The following TM6SF2 variants were observed in gnomAD, a reference collection of about 807,000 sequenced individuals.
The protein encoded by TM6SF2 is transmembrane 6 superfamily member 2.
TM6SF2 carries 29 observed loss-of-function variants against 41.0 expected under a neutral mutation model. The ratio of observed to expected loss-of-function variants is 0.71; its 90% confidence interval spans 0.53 to 0.96. The LOEUF (loss-of-function observed/expected upper bound fraction) is 0.96, where lower values mean the gene tolerates loss of function less well. TM6SF2 is among the 50% of genes least tolerant of loss of function. The pLI, the probability that TM6SF2 is intolerant of heterozygous loss-of-function variation, is 0.00. For missense variants in TM6SF2, 475 were observed against 499.0 expected (o/e 0.95, Z 0.46); for synonymous variants, 200 against 209.1 (o/e 0.96, Z 0.37).
chr19:19,271,736 G>A (rs1208592165), intron 1 of TM6SF2, among the ~76,000 whole-genome samples: 1 of 151,666 alleles, frequency 6.6e-6, no homozygotes, highest in Non-Finnish European at 1.5e-5. Flanking sequence ...TCACCATGTT[G>A]GCCAGGCTGG....
chr19:19,269,036 A>AGGCAGGTGGATTGCT (rs2061013581), intron 5 of TM6SF2, among the ~76,000 whole-genome samples: 1 of 152,054 alleles, frequency 6.6e-6, no homozygotes, highest in Non-Finnish European at 1.5e-5. Context: ...CAAGTGATTG[A>AGGCAGGTGGATTGCT]TGAGGCAGGT....
Position 19,266,517 on chromosome 19 carries a change from G to T in TM6SF2, c.897C>A (p.Ala299=), listed in dbSNP as rs768295893. The change falls in exon 9 of 10, where the codon GCC becomes GCA. Residue 299 remains alanine, a synonymous_variant. Coordinates refer to ENST00000389363, the MANE Select transcript of TM6SF2 (RefSeq NM_001001524.3). ...FPGCSWLPDW[A]LVFAGGIGQA... is the part of the protein sequence containing the mutation. The stretch of plus-strand genomic sequence containing the variant: ...GGCCGATGCCTCCAGCAAACACCAA[G>T]GCCCAGTCTGGAAGCCAGGAGCAAC... 1 of 1,613,888 alleles carries T rather than the reference G, an allele frequency of 6.2e-7. No homozygotes were observed. Among genetic ancestry groups the T allele is most frequent in the Non-Finnish European group, 8.5e-7 (1 of 1,179,936 alleles).
At chr19:19,266,794 T>C (rs1599836400) in intron 8 of TM6SF2, 185 bp from the exon 9 acceptor site, 2 of 627,452 alleles carry the variant, frequency 3.2e-6, no homozygotes, top group African/African-American at 1.9e-5. Context: ...CCCGAACACA[T>C]ACACCAAACC....
intron 9 of TM6SF2, 77 bp downstream of exon 9, chr19:19,266,413 G>A: frequency 6.3e-7 from 1 of 1,579,074 alleles, no homozygotes; most frequent in Non-Finnish European, 8.6e-7. Context: ...AGTGCCCAGG[G>A]AGGACACCAA....
In TM6SF2 at chr19:19,264,700, G is replaced by A; in HGVS notation, c.1098C>T (p.Pro366=). 2 of 1,580,818 alleles carry A rather than the reference G, an allele frequency of 1.3e-6. No individual in the cohort carries two copies. Among genetic ancestry groups the A allele is most frequent in the Non-Finnish European group, 1.7e-6 (2 of 1,162,210 alleles). Residue 366 remains proline (P), a synonymous_variant, in exon 10 of 10, where the codon CCC becomes CCT. Transcript: ENST00000389363. ...TCTTGTGGAGGGCTAGGGGGTCGGA[G>A]GGTGGTGGCTGGTGGAAGAATGCGG... The part of the protein sequence containing the change: ...QWPAFFHQPP[P]SDPLALHKKQ...
At chr19:19,265,360 TTCTATCTATCTATCTA>T (rs548804768) in intron 9 of TM6SF2, among the ~76,000 whole-genome samples, 15 of 140,396 alleles carry the variant, frequency 1.1e-4, no homozygotes, top group Non-Finnish European at 2.2e-4. Context: ...TTTTTAAAAT[TTCTATCTATCTATCTA>T]TCTATCTATC....
intron 5 of TM6SF2, 83 bp from the exon 6 acceptor site, chr19:19,268,837 C>G (rs2061012819): frequency 6.9e-7 from 1 of 1,446,178 alleles, no homozygotes. Flanking sequence ...GAGACAGAGT[C>G]TTGCTCTGTC....
Position 19,267,976 on chromosome 19 carries a change from G to A in TM6SF2, c.711+10C>T, listed in dbSNP as rs372372827. 11 of 1,608,742 alleles carry A rather than the reference G, an allele frequency of 6.8e-6. No individual in the cohort carries two copies. Among genetic ancestry groups the A allele is most frequent in the South Asian group, 6.6e-5 (6 of 90,936 alleles). On this transcript the variant is annotated intron_variant, in intron 7 of 9. Coordinates refer to ENST00000389363, the MANE Select transcript of TM6SF2 (RefSeq NM_001001524.3). ...GCAGGGGAGGGGGAGACCAACCAGCGCAGACTCACCAGGCCCCGGAACAGA... is the reference window on the plus strand; with the variant it reads ...GCAGGGGAGGGGGAGACCAACCAGCACAGACTCACCAGGCCCCGGAACAGA...
rs764843325 is a variant in TM6SF2 at position 19,264,745 on chromosome 19, G to A, written c.1053C>T (p.Ala351=). Residue 351 remains alanine, a synonymous_variant, in exon 10 of 10, where the codon GCC becomes GCT. Transcript: ENST00000389363. ...LLYALGPHLL[A]YRCLQWPAFF... is the part of the protein sequence containing the mutation. ...ATGCGGGCCACTGAAGGCAACGGTA[G>A]GCCAGCAGGTGGGGGCCCAGCGCAT... 6.8e-6 allele frequency: 11 copies of A among 1,606,782 alleles called. No homozygotes were observed. In the East Asian group the frequency reaches 1.4e-4, roughly 20 times the overall value.
In TM6SF2 at chr19:19,266,595, C is replaced by T; in HGVS notation, c.819G>A (p.Met273Ile). The T allele has an allele frequency of 1.2e-6, 2 of 1,613,618 alleles. No individual in the cohort carries two copies. The highest frequency in any genetic ancestry group is 1.7e-6 in the Non-Finnish European group (2 of 1,179,654). Residue 273 changes from methionine to isoleucine, a missense_variant, in exon 9 of 10, where the codon ATG becomes ATA. By Grantham distance (10) the Met-to-Ile change is conservative. This residue lies in a region of TM6SF2 where 190 missense variants were observed against 190.2 expected (regional missense o/e 1.00). Coordinates refer to ENST00000389363, the MANE Select transcript of TM6SF2 (RefSeq NM_001001524.3). Reference protein sequence around the residue: ...AYPKVQMLMYMFYVLPFCGLA... With the variant: ...AYPKVQMLMYIFYVLPFCGLA... ...GGCCGCAGAAAGGCAGGACATAAAA[C>T]ATGTACATCAGCATCTGCAGGGGCG...
chr19:19,267,953 A>G (rs1599837054), intron 7 of TM6SF2, 33 bp downstream of exon 7: 1 of 1,432,194 alleles, frequency 7.0e-7, no homozygotes, highest in Non-Finnish European at 9.7e-7. Context: ...GACTGGTGGC[A>G]GGGGAGGGGG....
chr19:19,271,100 C>G lies in TM6SF2; in HGVS notation c.121G>C (p.Ala41Pro), dbSNP rs771796358. The G allele has an allele frequency of 6.2e-7, 1 of 1,614,164 alleles. No individual in the cohort carries two copies. The highest frequency in any genetic ancestry group is 8.5e-7 in the Non-Finnish European group (1 of 1,180,012). ...SHPLWVALMS[A>P]LILGLLFVAV... ...ACGAAAAGCAGACCCAGGATTAGGG[C>G]GCTCATCAATGCCACCCACAGGGGG... Residue 41 changes from alanine to proline, a missense_variant, in exon 2 of 10, where the codon GCC becomes CCC. Transcript: ENST00000389363.
Position 19,273,210 on chromosome 19 carries a change from G to A in TM6SF2, c.6C>T (p.Asp2=). 7.0e-7 allele frequency: 1 copy of A among 1,422,830 alleles called. No homozygotes were observed. The highest frequency in any genetic ancestry group is 1.4e-5 in the South Asian group (1 of 69,042). The allele number at this position is 1,422,830 out of a possible 1,614,324, so 88.1% of individuals were successfully genotyped here. M[D]IPPLAGKIAA... is the part of the protein sequence containing the mutation. ...CGATCTTGCCGGCCAGCGGCGGGATGTCCATAGCGGCGGCTGCTGGACCCC... is the reference window on the plus strand; with the variant it reads ...CGATCTTGCCGGCCAGCGGCGGGATATCCATAGCGGCGGCTGCTGGACCCC... The change falls in exon 1 of 10, where the codon GAC becomes GAT. Residue 2 remains aspartate, a synonymous_variant. Transcript: ENST00000389363.
Position 19,272,295 on chromosome 19 carries a change from G to A in TM6SF2, c.95+826C>T, listed in dbSNP as rs148169856. ...AACAATGACATTATAGTACTCAGATGAGACCAAGACAAATCTTTGTACACA... is the reference window on the plus strand; with the variant it reads ...AACAATGACATTATAGTACTCAGATAAGACCAAGACAAATCTTTGTACACA... On this transcript the variant is annotated intron_variant, in intron 1 of 9. Coordinates refer to ENST00000389363, the MANE Select transcript of TM6SF2 (RefSeq NM_001001524.3). 2.2e-3 allele frequency among the ~76,000 whole-genome samples: 332 copies of A among 152,302 alleles called. 2 individuals carry two copies. The South Asian group carries it at 0.031, about 14-fold the overall frequency.
At chr19:19,268,531 G>A in intron 6 of TM6SF2, 99 bp downstream of exon 6, 2 of 1,457,248 alleles carry the variant, frequency 1.4e-6, no homozygotes, top group Non-Finnish European at 1.8e-6. Context: ...TGTGACAAAG[G>A]AGAACCTTCC....
At chr19:19,268,591 G>A (rs1300990827) in intron 6 of TM6SF2, 39 bp downstream of exon 6, 2 of 1,529,348 alleles carry the variant, frequency 1.3e-6, no homozygotes, top group Admixed American at 2.5e-5. Context: ...GAAAGTTCAG[G>A]CACATTGGGA....
chr19:19,269,553 G>T, intron 5 of TM6SF2, 134 bp downstream of exon 5: 1 of 1,078,670 alleles, frequency 9.3e-7, no homozygotes, highest in Non-Finnish European at 1.4e-6. Flanking sequence ...GACTGAGGCT[G>T]TGGACACGCA....
intron 1 of TM6SF2, among the ~76,000 whole-genome samples, chr19:19,272,179 G>C (rs2061026298): frequency 1.3e-5 from 2 of 152,134 alleles, no homozygotes; most frequent in African/African-American, 2.4e-5. Context: ...CAGTTGTCCA[G>C]GGTCACACTC....
In TM6SF2 at chr19:19,273,199, A is replaced by G; in HGVS notation, c.17T>C (p.Leu6Pro). 1 of 1,449,438 alleles carries G rather than the reference A, an allele frequency of 6.9e-7. No individual in the cohort carries two copies. Among genetic ancestry groups the G allele is most frequent in the Non-Finnish European group, 9.1e-7 (1 of 1,104,070 alleles). 89.8% of individuals were successfully genotyped at this position (1,449,438 alleles called of 1,614,324 possible). MDIPP[L>P]AGKIAALSLS... ...CGACAGCGCCGCGATCTTGCCGGCC[A>G]GCGGCGGGATGTCCATAGCGGCGGC... Residue 6 changes from leucine (L) to proline (P), a missense_variant, in exon 1 of 10, where the codon CTG becomes CCG. Leu to Pro is a moderately conservative substitution (Grantham distance 98). Coordinates refer to ENST00000389363, the MANE Select transcript of TM6SF2 (RefSeq NM_001001524.3).
Sources: gnomAD v4.1 joint callset for allele counts (sites outside exome capture counted in the v4.1 genomes callset) on GRCh38, gnomAD v4.1.1 for gene constraint, gnomAD v4.1.1 regional missense constraint, MANE v1.5 for transcripts, NCBI Gene and HGNC (gene_info 2026-07-23, HGNC 2026-07-21) for gene names.